The following HCN1 variants were observed in gnomAD, a reference collection of about 807,000 sequenced individuals.
HCN1 encodes the protein potassium/sodium hyperpolarization-activated cyclic nucleotide-gated channel 1.
Under a neutral mutation model 78.9 loss-of-function variants are expected in HCN1, and 13 were observed. The ratio of observed to expected loss-of-function variants is 0.16; its 90% CI spans 0.11 to 0.26. The LOEUF (loss-of-function observed/expected upper bound fraction) is 0.26. Ranked by LOEUF, HCN1 falls within the 10% of genes least tolerant of loss-of-function variation. The pLI is 1.00. For missense variants in HCN1, 810 were observed against 1,154.3 expected (o/e 0.70, Z 4.32); for synonymous variants, 552 against 455.5 (o/e 1.21, Z -2.70).
chr5:45,496,878 G>A (rs1198723776), intron 2 of HCN1, among the ~76,000 whole-genome samples: 1 of 152,158 alleles, frequency 6.6e-6, no homozygotes, highest in East Asian at 1.9e-4. Context: ...CTTTGAATGT[G>A]TCCCAGAGAT....
chr5:45,629,462 TAA>T (rs1161283854), intron 2 of HCN1, among the ~76,000 whole-genome samples: 1 of 152,134 alleles, frequency 6.6e-6, no homozygotes, highest in Non-Finnish European at 1.5e-5. Context: ...TGATTCTCCA[TAA>T]ATCAGAGTAA....
At chr5:45,275,814 AG>A (rs1199856221) in intron 6 of HCN1, among the ~76,000 whole-genome samples, 2 of 152,150 alleles carry the variant, frequency 1.3e-5, no homozygotes, top group African/African-American at 4.8e-5. Context: ...ATCAAAGCTA[AG>A]AAGGGTAAAA....
At chr5:45,312,874 C>T (rs1006893049) in intron 5 of HCN1, among the ~76,000 whole-genome samples, 1 of 152,158 alleles carries the variant, frequency 6.6e-6, no homozygotes, top group Non-Finnish European at 1.5e-5. Flanking sequence ...CCTGGAGGCT[C>T]GACCTGCATG....
At chr5:45,517,535 A>AC (rs988210614) in intron 2 of HCN1, among the ~76,000 whole-genome samples, 25 of 150,664 alleles carry the variant, frequency 1.7e-4, no homozygotes, top group Middle Eastern at 3.2e-3. Flanking sequence ...AAAAAAAAAA[A>AC]AAAAAAAAAC....
intron 5 of HCN1, among the ~76,000 whole-genome samples, chr5:45,321,723 T>A (rs983329267): frequency 5.9e-5 from 9 of 151,824 alleles, no homozygotes; most frequent in Admixed American, 5.3e-4. Flanking sequence ...GGCAGATCAT[T>A]TAATAGCAAT....
chr5:45,290,638 A>G (rs1289140793), intron 6 of HCN1, among the ~76,000 whole-genome samples: 2 of 152,086 alleles, frequency 1.3e-5, no homozygotes, highest in Non-Finnish European at 2.9e-5. Context: ...AACTTATTCA[A>G]TTAAAGGTGG....
At chr5:45,292,095 G>A (rs1408945149) in intron 6 of HCN1, among the ~76,000 whole-genome samples, 1 of 151,830 alleles carries the variant, frequency 6.6e-6, no homozygotes. Context: ...AAGAAGAAAG[G>A]AATGTAATTT....
chr5:45,461,108 C>T (rs1388529333), intron 3 of HCN1, among the ~76,000 whole-genome samples: 1 of 151,818 alleles, frequency 6.6e-6, no homozygotes, highest in African/African-American at 2.4e-5. Context: ...TTTGTGAACA[C>T]ATATGTGTGT....
intron 4 of HCN1, among the ~76,000 whole-genome samples, chr5:45,356,552 T>C (rs946333561): frequency 3.3e-5 from 5 of 151,958 alleles, no homozygotes; most frequent in Non-Finnish European, 7.4e-5. Flanking sequence ...ATATAGATAA[T>C]TACAGGCATT....
At chr5:45,655,197 T>C (rs1745742639) in intron 1 of HCN1, among the ~76,000 whole-genome samples, 1 of 152,136 alleles carries the variant, frequency 6.6e-6, no homozygotes, top group Non-Finnish European at 1.5e-5. Context: ...TTACTGAATA[T>C]TAAGGAGGCG....
intron 3 of HCN1, among the ~76,000 whole-genome samples, chr5:45,452,222 A>G (rs1740933127): frequency 6.6e-6 from 1 of 151,910 alleles, no homozygotes; most frequent in African/African-American, 2.4e-5. Flanking sequence ...AATATGAGAT[A>G]CTGGATGTAG....
At chr5:45,612,800 T>G (rs923469825) in intron 2 of HCN1, among the ~76,000 whole-genome samples, 2 of 152,058 alleles carry the variant, frequency 1.3e-5, no homozygotes, top group African/African-American at 2.4e-5. Flanking sequence ...AAAAGCTAAA[T>G]GGAAATGACC....
chr5:45,486,702 A>C, intron 2 of HCN1, among the ~76,000 whole-genome samples: 1 of 152,130 alleles, frequency 6.6e-6, no homozygotes, highest in East Asian at 1.9e-4. Flanking sequence ...AACTATCTTC[A>C]TAGCTCATCA....
At chr5:45,335,840 C>A (rs1289049991) in intron 5 of HCN1, among the ~76,000 whole-genome samples, 1 of 151,948 alleles carries the variant, frequency 6.6e-6, no homozygotes, top group Non-Finnish European at 1.5e-5. Context: ...ATGAAGTACA[C>A]ATAAGTTAAG....
chr5:45,333,629 T>G lies in HCN1; in HGVS notation c.1377+19471A>C, dbSNP rs1443350186. The stretch of plus-strand genomic sequence containing the variant: ...GCTTTATAGTTTGATGCCCTGGATT[T>G]AAGCCTATAATACATTTTGATTTGA... On this transcript the variant is annotated intron_variant, in intron 5 of 7. Transcript: ENST00000303230. Among the ~76,000 whole-genome samples the G allele has an allele frequency of 2.6e-5, 4 of 151,948 alleles. No individual in the cohort carries two copies. The East Asian group carries it at 7.8e-4, about 30-fold the overall frequency.
At chr5:45,419,302 G>A (rs1740180514) in intron 3 of HCN1, among the ~76,000 whole-genome samples, 1 of 152,132 alleles carries the variant, frequency 6.6e-6, no homozygotes. Context: ...CACCTCAGAT[G>A]CAAAGAACCA....
intron 2 of HCN1, among the ~76,000 whole-genome samples, chr5:45,515,307 C>T (rs1023066439): frequency 1.3e-5 from 2 of 151,986 alleles, no homozygotes; most frequent in African/African-American, 2.4e-5. Flanking sequence ...TACTTAACTA[C>T]ATAGTATCAA....
At chr5:45,567,127 GAC>G (rs575881305) in intron 2 of HCN1, among the ~76,000 whole-genome samples, 207 of 152,120 alleles carry the variant, frequency 1.4e-3, no homozygotes, top group African/African-American at 4.9e-3. Context: ...AAAGAAGTAA[GAC>G]AATTAAGATG....
chr5:45,623,002 T>C (rs1400150405), intron 2 of HCN1, among the ~76,000 whole-genome samples: 1 of 152,212 alleles, frequency 6.6e-6, no homozygotes, highest in South Asian at 2.1e-4. Flanking sequence ...CTCCTTCCTC[T>C]TTCTCTTCTC....
Sources: allele counts gnomAD v4.1 joint callset (sites outside exome capture counted in the v4.1 genomes callset), GRCh38; gene constraint gnomAD v4.1.1; transcripts MANE v1.5; gene names NCBI Gene and HGNC (gene_info 2026-07-23, HGNC 2026-07-21).